The following UNC13A variants were observed in gnomAD, a reference collection of about 807,000 sequenced individuals.
UNC13A encodes unc-13 homolog A.
Under a neutral mutation model 219.7 loss-of-function variants are expected in UNC13A, and 61 were observed. The ratio of observed to expected loss-of-function variants is 0.28; its 90% confidence interval spans 0.23 to 0.34. UNC13A has a LOEUF of 0.34. Ranked by LOEUF, UNC13A falls within the 10% of genes least tolerant of loss-of-function variation. The pLI is 1.00. For synonymous variants in UNC13A, 920 were observed against 884.6 expected (o/e 1.04, Z -0.71); for missense variants, 1,476 against 2,270.3 (o/e 0.65, Z 7.11).
chr19:17,687,036 C>G (rs893204720), intron 1 of UNC13A, among the ~76,000 whole-genome samples: 5 of 152,164 alleles, frequency 3.3e-5, no homozygotes, highest in African/African-American at 1.2e-4. Flanking sequence ...TCCTTAAGAA[C>G]CAGGGGTTCA....
At chr19:17,611,390 G>T (rs144167099) in intron 42 of UNC13A, among the ~76,000 whole-genome samples, 1 of 152,120 alleles carries the variant, frequency 6.6e-6, no homozygotes, top group Non-Finnish European at 1.5e-5. Context: ...CACCATGTTG[G>T]CCAGGCTGGT....
intron 8 of UNC13A, among the ~76,000 whole-genome samples, chr19:17,660,518 TG>T (rs2079532683): frequency 7.5e-6 from 1 of 133,702 alleles, no homozygotes; most frequent in Non-Finnish European, 1.6e-5. Flanking sequence ...TTGTTTTGTT[TG>T]TTTGTTGGTT....
At chr19:17,672,841 A>G (rs1490774955) in intron 3 of UNC13A, among the ~76,000 whole-genome samples, 1 of 151,942 alleles carries the variant, frequency 6.6e-6, no homozygotes, top group East Asian at 1.9e-4. Flanking sequence ...AGGCTCAAAT[A>G]CCCTCCATAG....
At chr19:17,613,474 G>T (rs1474597669) in intron 41 of UNC13A, among the ~76,000 whole-genome samples, 1 of 151,946 alleles carries the variant, frequency 6.6e-6, no homozygotes, top group African/African-American at 2.4e-5. Flanking sequence ...AATCAAAGTG[G>T]TTTTTGTGAC....
At chr19:17,624,743 A>AC (rs1055500713) in intron 35 of UNC13A, 86 bp downstream of exon 35, 6 of 1,498,918 alleles carry the variant, frequency 4.0e-6, no homozygotes, top group Non-Finnish European at 4.5e-6. Flanking sequence ...CTTTGTTCTT[A>AC]CCCCCCAGCC....
intron 37 of UNC13A, among the ~76,000 whole-genome samples, chr19:17,621,109 A>T (rs1034683689): frequency 6.6e-6 from 1 of 152,112 alleles, no homozygotes; most frequent in African/African-American, 2.4e-5. Context: ...ACATATTAAC[A>T]TATACTGTAA....
intron 4 of UNC13A, among the ~76,000 whole-genome samples, chr19:17,670,604 C>G (rs1395383317): frequency 6.6e-6 from 1 of 150,864 alleles, no homozygotes; most frequent in Non-Finnish European, 1.5e-5. Context: ...TTCATTCATT[C>G]AAAAACAAAC....
intron 1 of UNC13A, 114 bp downstream of exon 1, chr19:17,688,064 C>T: frequency 7.4e-7 from 1 of 1,356,412 alleles, no homozygotes; most frequent in Non-Finnish European, 9.8e-7. Context: ...CTCAAAAGTC[C>T]AGCCACCTGG....
chr19:17,670,387 C>T (rs1160722762), intron 4 of UNC13A, among the ~76,000 whole-genome samples: 1 of 151,912 alleles, frequency 6.6e-6, no homozygotes, highest in African/African-American at 2.4e-5. Context: ...ATTACAGGTA[C>T]GTGCCAGCAC....
chr19:17,607,839 T>TGCTAACC (rs1252728303), intron 43 of UNC13A, among the ~76,000 whole-genome samples: 1 of 149,476 alleles, frequency 6.7e-6, no homozygotes, highest in Admixed American at 6.7e-5. Context: ...ACTCTACCCT[T>TGCTAACC]GCTAACCACC....
chr19:17,647,910 G>C (rs2079269333), intron 16 of UNC13A, among the ~76,000 whole-genome samples: 1 of 130,974 alleles, frequency 7.6e-6, no homozygotes, highest in Admixed American at 8.4e-5. Context: ...TCCCCTCCTC[G>C]TCTCTGATCT....
Position 17,611,840 on chromosome 19 carries a change from T to A in UNC13A, c.4574A>T (p.Asp1525Val), listed in dbSNP as rs1277022653. ...TQSAQGLGVEDPVGEVSVHVE... is the reference protein window; with the variant it reads ...TQSAQGLGVEVPVGEVSVHVE... ...ATGGACAGAGACTTCACCCACAGGG[T>A]CTTCTACACCCAAGCCTGGGCAGGG... The change falls in exon 42 of 44, where the codon GAC becomes GTC. Residue 1525 changes from aspartate (D) to valine (V), a missense_variant. Physicochemically the swap from Asp to Val is radical, Grantham distance 152 (BLOSUM62 -3). Transcript: ENST00000519716. 1.2e-6 allele frequency: 2 copies of A among 1,613,854 alleles called. No individual in the cohort carries two copies. The highest frequency in any genetic ancestry group is 2.2e-5 in the East Asian group (1 of 44,876).
chr19:17,675,636 A>G (rs1267985061), intron 2 of UNC13A, among the ~76,000 whole-genome samples: 1 of 149,126 alleles, frequency 6.7e-6, no homozygotes, highest in African/African-American at 2.5e-5. Flanking sequence ...GTCTCAAAAA[A>G]AAAAAAAAAA....
chr19:17,636,284 A>C, intron 25 of UNC13A, 127 bp from the exon 26 acceptor site: 1 of 1,171,614 alleles, frequency 8.5e-7, no homozygotes, highest in Non-Finnish European at 1.2e-6. Flanking sequence ...TTCAGGTAAG[A>C]AATCTATATA....
At chr19:17,624,651 A>C (rs1434224345) in intron 35 of UNC13A, among the ~76,000 whole-genome samples, 178 bp downstream of exon 35, 4 of 151,956 alleles carry the variant, frequency 2.6e-5, no homozygotes, top group African/African-American at 7.3e-5. Flanking sequence ...CTGACCTCTG[A>C]ATGGCCCCCC....
At chr19:17,665,115 A>T (rs1030682384) in intron 7 of UNC13A, among the ~76,000 whole-genome samples, 4 of 151,736 alleles carry the variant, frequency 2.6e-5, no homozygotes, top group South Asian at 2.1e-4. Flanking sequence ...CACAAGAATC[A>T]CTCAAATCCG....
intron 36 of UNC13A, 133 bp downstream of exon 36, chr19:17,623,409 T>G: frequency 3.5e-6 from 2 of 578,344 alleles, no homozygotes; most frequent in Non-Finnish European, 5.8e-6. Flanking sequence ...CACAGGCACA[T>G]CTAGGCGGGA....
chr19:17,617,635 C>A, intron 41 of UNC13A, 67 bp downstream of exon 41: 1 of 1,585,588 alleles, frequency 6.3e-7, no homozygotes. Context: ...CAATGGCAGC[C>A]GTTCAGGCTT....
chr19:17,651,518 G>C (rs931925830), intron 12 of UNC13A, among the ~76,000 whole-genome samples: 28 of 152,144 alleles, frequency 1.8e-4, no homozygotes, highest in African/African-American at 6.8e-4. Flanking sequence ...GAGCCACCAA[G>C]CCTGGCCCCG....
Sources: gnomAD v4.1 joint callset for allele counts (sites outside exome capture counted in the v4.1 genomes callset) on GRCh38, gnomAD v4.1.1 for gene constraint, MANE v1.5 for transcripts, NCBI Gene and HGNC (gene_info 2026-07-23, HGNC 2026-07-21) for gene names.